Variants in CACNA2D3 observed in about 807,000 individuals in gnomAD.
CACNA2D3 encodes calcium voltage-gated channel auxiliary subunit alpha2delta 3.
A neutral mutation model predicts 160.6 loss-of-function variants in CACNA2D3; 60 were observed. The observed-to-expected ratio is 0.37, with a 90% CI of 0.30 to 0.46. The LOEUF (loss-of-function observed/expected upper bound fraction) is 0.46. Ranked by LOEUF, CACNA2D3 falls within the 20% of genes least tolerant of loss-of-function variation. CACNA2D3 has a pLI of 1.00. For missense variants in CACNA2D3, 1,205 were observed against 1,365.0 expected (o/e 0.88, Z 1.85); for synonymous variants, 558 against 492.9 (o/e 1.13, Z -1.75).
chr3:54,157,043 A>G (rs1251033741), intron 2 of CACNA2D3, among the ~76,000 whole-genome samples: 2 of 152,210 alleles, frequency 1.3e-5, no homozygotes, highest in Non-Finnish European at 2.9e-5. Context: ...CTAGAAATGT[A>G]TTCTCTCACA....
intron 2 of CACNA2D3, among the ~76,000 whole-genome samples, chr3:54,162,534 G>A (rs781249553): frequency 2.0e-5 from 3 of 152,108 alleles, no homozygotes; most frequent in Non-Finnish European, 4.4e-5. Flanking sequence ...AGAAGAGCTC[G>A]CTTCAAAAAT....
At chr3:54,913,495 C>CT (rs1700599519) in intron 27 of CACNA2D3, among the ~76,000 whole-genome samples, 1 of 152,152 alleles carries the variant, frequency 6.6e-6, no homozygotes, top group Admixed American at 6.6e-5. Context: ...GAGAGTATGA[C>CT]TGAGTTTCTT....
chr3:54,778,019 G>A (rs763965903), intron 13 of CACNA2D3, among the ~76,000 whole-genome samples: 30 of 152,182 alleles, frequency 2.0e-4, no homozygotes, highest in Non-Finnish European at 3.8e-4. Flanking sequence ...CCCTCCAGGG[G>A]AGCCTAAATT....
At position 54,918,332 on chromosome 3, in the gene CACNA2D3, C is replaced by CTTTTTTTTTTT. The variant is rs533596688; in HGVS notation, c.2449+18477_2449+18487dup. Reference sequence around the variant, plus strand: ...TTTTACAGACACATCTTTTTTTTTTCTTTTTTTTTTTTTTTTTTTTTTTGT... The same window carrying CTTTTTTTTTTT: ...TTTTACAGACACATCTTTTTTTTTTCTTTTTTTTTTTTTTTTTTTTTTTTTTTTTTTTTTGT... On this transcript the variant is annotated intron_variant, in intron 27 of 37. Transcript: ENST00000474759. The CTTTTTTTTTTT allele has an allele frequency of 8.4e-3, 1,913 of 227,846 alleles. 128 individuals are homozygous for CTTTTTTTTTTT. The highest frequency in any genetic ancestry group is 0.011 in the African/African-American group (301 of 27,566). 14.1% of individuals were successfully genotyped at this position (227,846 alleles called of 1,614,324 possible).
At chr3:54,636,378 C>T (rs1035535211) in intron 10 of CACNA2D3, among the ~76,000 whole-genome samples, 2 of 151,890 alleles carry the variant, frequency 1.3e-5, no homozygotes, top group Non-Finnish European at 2.9e-5. Flanking sequence ...GGATTGAAGT[C>T]CGGGCCAGGA....
intron 2 of CACNA2D3, among the ~76,000 whole-genome samples, chr3:54,154,011 G>C (rs1438414219): frequency 1.3e-5 from 2 of 152,170 alleles, no homozygotes; most frequent in South Asian, 2.1e-4. Context: ...TTGAATTCTA[G>C]ACCTAGTCCT....
chr3:54,528,399 A>C (rs1306414781), intron 5 of CACNA2D3, among the ~76,000 whole-genome samples: 2 of 148,352 alleles, frequency 1.3e-5, no homozygotes, highest in African/African-American at 5.0e-5. Context: ...AATGCTAATA[A>C]AATGATGATG....
intron 10 of CACNA2D3, among the ~76,000 whole-genome samples, chr3:54,641,327 A>C (rs374068287): frequency 6.6e-6 from 1 of 152,262 alleles, no homozygotes; most frequent in Non-Finnish European, 1.5e-5. Context: ...TCTGACTGGC[A>C]GTTGGTTGAA....
chr3:54,737,201 T>C (rs1701551808), intron 11 of CACNA2D3, among the ~76,000 whole-genome samples: 1 of 151,454 alleles, frequency 6.6e-6, no homozygotes, highest in African/African-American at 2.4e-5. Flanking sequence ...TGTGTGTGTG[T>C]GTGTGTGTGT....
intron 17 of CACNA2D3, among the ~76,000 whole-genome samples, chr3:54,870,916 G>A (rs1699509398): frequency 6.6e-6 from 1 of 152,150 alleles, no homozygotes; most frequent in African/African-American, 2.4e-5. Flanking sequence ...AGGAGTACGG[G>A]TAGGTTTGAG....
At chr3:54,182,205 TC>T in intron 2 of CACNA2D3, among the ~76,000 whole-genome samples, 1 of 152,318 alleles carries the variant, frequency 6.6e-6, no homozygotes, top group Non-Finnish European at 1.5e-5. Flanking sequence ...TGTCCAACAC[TC>T]CCTGAGAACT....
At chr3:54,478,258 C>G (rs887224459) in intron 4 of CACNA2D3, among the ~76,000 whole-genome samples, 1 of 152,086 alleles carries the variant, frequency 6.6e-6, no homozygotes, top group African/African-American at 2.4e-5. Context: ...CAGTAGCCCT[C>G]TTTGTATCTG....
At chr3:54,855,444 T>A (rs1699148177) in intron 17 of CACNA2D3, among the ~76,000 whole-genome samples, 1 of 152,114 alleles carries the variant, frequency 6.6e-6, no homozygotes. Flanking sequence ...CCTCCTTAAT[T>A]TGCCAGCTCA....
intron 2 of CACNA2D3, among the ~76,000 whole-genome samples, chr3:54,242,161 G>A (rs1474494855): frequency 6.6e-6 from 1 of 152,056 alleles, no homozygotes; most frequent in Non-Finnish European, 1.5e-5. Context: ...TGGCTCACAC[G>A]TGTAATCCTA....
chr3:54,359,560 G>A (rs775882138), intron 3 of CACNA2D3, among the ~76,000 whole-genome samples: 1 of 152,170 alleles, frequency 6.6e-6, no homozygotes, highest in Non-Finnish European at 1.5e-5. Flanking sequence ...TCATATGGGA[G>A]TTCTCCAAGA....
rs548566917 is a variant in CACNA2D3, at chr3:55,053,092, A to G, written c.2988-20353A>G. Among the ~76,000 whole-genome samples, 30 of 152,236 alleles carry G rather than the reference A, an allele frequency of 2.0e-4. 1 individual carries two copies. The South Asian group carries it at 5.8e-3, about 29-fold the overall frequency. On this transcript the variant is annotated intron_variant, in intron 35 of 37. Transcript: ENST00000474759. Reference sequence around the variant, plus strand: ...CATGAAACTATCACCACAAACAAGTATGAGTATATCCATTACCTCTAAAAA... The same window carrying G: ...CATGAAACTATCACCACAAACAAGTGTGAGTATATCCATTACCTCTAAAAA...
At chr3:54,554,612 CT>C (rs1702211805) in intron 5 of CACNA2D3, among the ~76,000 whole-genome samples, 1 of 152,040 alleles carries the variant, frequency 6.6e-6, no homozygotes, top group African/African-American at 2.4e-5. Flanking sequence ...TCTCAGCTAC[CT>C]TTGAGGAAGA....
intron 2 of CACNA2D3, among the ~76,000 whole-genome samples, chr3:54,220,092 A>G (rs114341169): frequency 0.013 from 1,936 of 152,254 alleles, 39 homozygotes; most frequent in African/African-American, 0.043. Context: ...GAACTTCCAT[A>G]CAAAGGACTG....
At position 54,698,059 on chromosome 3, in the gene CACNA2D3, CCTTA is replaced by C. The variant is rs545932492; in HGVS notation, c.1168-54536_1168-54533del. ...TATTGTCATTTTTGCTGCTCTCTCT[CCTTA>C]CTTTCATTTAAAATGATGAACTGCA... On this transcript the variant is annotated intron_variant, in intron 11 of 37. Transcript: ENST00000474759. 9.2e-5 allele frequency among the ~76,000 whole-genome samples: 14 copies of C among 152,334 alleles called. 1 individual carries two copies. The South Asian group carries it at 2.7e-3, about 29-fold the overall frequency.
Sources: allele counts gnomAD v4.1 joint callset (sites outside exome capture counted in the v4.1 genomes callset), GRCh38; gene constraint gnomAD v4.1.1; transcripts MANE v1.5; gene names NCBI Gene and HGNC (gene_info 2026-07-23, HGNC 2026-07-21).